ESRRG: variants seen among roughly 807,000 people sequenced by gnomAD.
The protein encoded by ESRRG is estrogen related receptor gamma.
Under a neutral mutation model 44.0 loss-of-function variants are expected in ESRRG, and 13 were observed. The observed-to-expected ratio is 0.30, with a 90% CI of 0.19 to 0.47. ESRRG has a LOEUF of 0.47. Among genes scored for constraint, ESRRG ranks in the 20% least tolerant of loss-of-function variants. The pLI is 1.00. For missense variants in ESRRG, 395 were observed against 580.6 expected, an observed-to-expected ratio of 0.68 and a Z score of 3.29; for synonymous variants, 215 against 214.6, an observed-to-expected ratio of 1.00 and a Z score of -0.02.
intron 1 of ESRRG, among the ~76,000 whole-genome samples, chr1:217,112,063 C>T (rs1371634661): frequency 3.9e-5 from 6 of 152,086 alleles, no homozygotes; most frequent in Non-Finnish European, 8.8e-5. Flanking sequence ...TGTGAGTGAT[C>T]CATTTGCACA....
chr1:216,510,671 G>C (rs575104182), intron 6 of ESRRG, among the ~76,000 whole-genome samples: 144 of 152,238 alleles, frequency 9.5e-4, no homozygotes, highest in Non-Finnish European at 1.4e-3. Flanking sequence ...AGATCACGAG[G>C]TCAGGAGATC....
intron 2 of ESRRG, among the ~76,000 whole-genome samples, chr1:216,924,628 A>C (rs565644366): frequency 6.6e-6 from 1 of 152,334 alleles, no homozygotes; most frequent in African/African-American, 2.4e-5. Flanking sequence ...TATAAAAGTT[A>C]TCATTTTGCC....
At chr1:216,539,549 C>A (rs6694260) in intron 5 of ESRRG, among the ~76,000 whole-genome samples, 18,003 of 151,978 alleles carry the variant, frequency 0.12, 1,432 homozygotes, top group African/African-American at 0.22. Flanking sequence ...CAAGCACACT[C>A]CTGCCTCAGG....
At chr1:217,003,579 A>ATTAATT (rs72187021) in intron 1 of ESRRG, among the ~76,000 whole-genome samples, 17,421 of 147,400 alleles carry the variant, frequency 0.12, 1,726 homozygotes, top group African/African-American at 0.27. Flanking sequence ...ACTAATTAAT[A>ATTAATT]AGTATTAATA....
intron 1 of ESRRG, among the ~76,000 whole-genome samples, chr1:217,039,901 A>C (rs2083538027): frequency 1.3e-5 from 2 of 152,130 alleles, no homozygotes; most frequent in African/African-American, 2.4e-5. Context: ...ACACAGTCAC[A>C]AAGTAATCAA....
At chr1:216,634,474 T>C (rs2064888924) in intron 3 of ESRRG, among the ~76,000 whole-genome samples, 1 of 152,164 alleles carries the variant, frequency 6.6e-6, no homozygotes, top group Non-Finnish European at 1.5e-5. Context: ...ACATTGTAAG[T>C]AATTCAGAAT....
At chr1:216,884,145 G>A (rs1269555006) in intron 2 of ESRRG, among the ~76,000 whole-genome samples, 1 of 152,150 alleles carries the variant, frequency 6.6e-6, no homozygotes, top group African/African-American at 2.4e-5. Context: ...CCATCAGCAA[G>A]TCACTTAAGG....
Position 216,519,340 on chromosome 1 carries a change from T to C in ESRRG, c.944A>G (p.Tyr315Cys). 1 of 1,613,700 alleles carries C rather than the reference T, an allele frequency of 6.2e-7. No individual in the cohort carries two copies. Among genetic ancestry groups the C allele is most frequent in the Non-Finnish European group, 8.5e-7 (1 of 1,179,772 alleles). Residue 315 changes from tyrosine to cysteine, a missense_variant, in exon 6 of 7, where the codon TAC becomes TGC. Tyr to Cys is a radical substitution (Grantham distance 194). Transcript: ENST00000408911. ...TTCATCCTCAAACGAAAGAGACCGG[T>C]ATACGACACCAAGGATCAAAATTTC... Reference protein sequence around the residue: ...WMEILILGVVYRSLSFEDELV... With the variant: ...WMEILILGVVCRSLSFEDELV...
intron 3 of ESRRG, among the ~76,000 whole-genome samples, chr1:216,633,272 G>A (rs2064613443): frequency 1.3e-5 from 2 of 152,214 alleles, no homozygotes; most frequent in Non-Finnish European, 2.9e-5. Context: ...CGGAGGGCCT[G>A]CGGAGGAGAC....
chr1:216,723,163 A>T, intron 1 of ESRRG, 81 bp downstream of exon 1: 1 of 1,154,886 alleles, frequency 8.7e-7, no homozygotes, highest in Non-Finnish European at 1.3e-6. Flanking sequence ...TACCTGAATC[A>T]GTGTGTAAAG....
intron 3 of ESRRG, among the ~76,000 whole-genome samples, chr1:216,589,571 A>T (rs959533563): frequency 6.6e-6 from 1 of 152,102 alleles, no homozygotes; most frequent in Non-Finnish European, 1.5e-5. Flanking sequence ...GAAGGAAACT[A>T]AGAAAGGATG....
chr1:217,119,906 T>C (rs2092797027), intron 1 of ESRRG, among the ~76,000 whole-genome samples: 1 of 152,244 alleles, frequency 6.6e-6, no homozygotes, highest in South Asian at 2.1e-4. Context: ...AGTTAGATAA[T>C]TTATTCACAA....
At chr1:216,584,875 T>A (rs1205047398) in intron 3 of ESRRG, among the ~76,000 whole-genome samples, 1 of 152,214 alleles carries the variant, frequency 6.6e-6, no homozygotes, top group African/African-American at 2.4e-5. Flanking sequence ...TTGGAGAATA[T>A]CAATGTGTAA....
chr1:216,724,018 G>T (rs1026366517), upstream of ESRRG, among the ~76,000 whole-genome samples: 3 of 152,044 alleles, frequency 2.0e-5, no homozygotes, highest in Non-Finnish European at 2.9e-5. Context: ...CCTGATGTAT[G>T]CTGGGCATTA....
At chr1:216,742,048 C>G (rs1458217941) in intron 2 of ESRRG, among the ~76,000 whole-genome samples, 9 of 152,126 alleles carry the variant, frequency 5.9e-5, no homozygotes, top group Non-Finnish European at 1.3e-4. Flanking sequence ...TTCTTTTAAC[C>G]TGAAAATTCA....
chr1:216,607,109 T>G (rs1346838543), intron 3 of ESRRG, among the ~76,000 whole-genome samples: 4 of 152,228 alleles, frequency 2.6e-5, no homozygotes. Context: ...ATTTCTACAT[T>G]CATAAAATCA....
At chr1:216,866,721 C>A (rs1054862430) in intron 2 of ESRRG, among the ~76,000 whole-genome samples, 1 of 152,050 alleles carries the variant, frequency 6.6e-6, no homozygotes, top group Non-Finnish European at 1.5e-5. Context: ...CAGGTGCTCA[C>A]CACCACACCT....
At chr1:216,803,161 A>T (rs1358251735) in intron 2 of ESRRG, among the ~76,000 whole-genome samples, 4 of 152,126 alleles carry the variant, frequency 2.6e-5, no homozygotes, top group Non-Finnish European at 4.4e-5. Flanking sequence ...CGTGGGGTGG[A>T]TGTGGAGGGA....
At chr1:216,881,244 G>A (rs2096442351) in intron 2 of ESRRG, among the ~76,000 whole-genome samples, 2 of 152,094 alleles carry the variant, frequency 1.3e-5, no homozygotes, top group Admixed American at 6.5e-5. Context: ...TTCTCCAGAT[G>A]TATAAAGACT....
Sources: gnomAD v4.1 joint callset for allele counts (sites outside exome capture counted in the v4.1 genomes callset) on GRCh38, gnomAD v4.1.1 for gene constraint, MANE v1.5 for transcripts, NCBI Gene and HGNC (gene_info 2026-07-23, HGNC 2026-07-21) for gene names.